Variants in GPHN observed in about 807,000 individuals in gnomAD.
The protein encoded by GPHN is gephyrin.
In GPHN, 17 loss-of-function variants were observed where a neutral mutation model predicts 95.5. That is an observed-to-expected ratio of 0.18 (90% CI 0.12 to 0.27). The LOEUF (loss-of-function observed/expected upper bound fraction) is 0.27, where lower values mean the gene tolerates loss of function less well. Among genes scored for constraint, GPHN ranks in the 10% least tolerant of loss-of-function variants. GPHN has a pLI of 1.00. For missense variants in GPHN, 660 were observed against 978.1 expected, an observed-to-expected ratio of 0.67 and a Z score of 4.34; for synonymous variants, 320 against 322.5, an observed-to-expected ratio of 0.99 and a Z score of 0.08.
the GPHN span, among the ~76,000 whole-genome samples, chr14:67,269,005 G>A: frequency 6.6e-6 from 1 of 152,128 alleles, no homozygotes; most frequent in Non-Finnish European, 1.5e-5. Context: ...AGAGAAACCT[G>A]CATGCCTTGG....
At chr14:67,542,327 C>T in the GPHN span, among the ~76,000 whole-genome samples, 2 of 152,078 alleles carry the variant, frequency 1.3e-5, no homozygotes, top group Non-Finnish European at 2.9e-5. Context: ...GACGGTGTTT[C>T]GGGAGAAAAC....
the GPHN span, among the ~76,000 whole-genome samples, chr14:67,324,941 G>T: frequency 9.1e-6 from 1 of 109,440 alleles, no homozygotes. Context: ...GTCTTGCTCT[G>T]TCACCCAGGC....
chr14:67,221,380 T>C, the GPHN span, among the ~76,000 whole-genome samples: 1 of 152,212 alleles, frequency 6.6e-6, no homozygotes, highest in South Asian at 2.1e-4. Context: ...TGAAACCCTA[T>C]ATTCCCAACA....
the GPHN span, chr14:67,473,229 C>T: frequency 1.4e-6 from 1 of 720,240 alleles, no homozygotes; most frequent in African/African-American, 1.8e-5. The surrounding 1 kb of genome is among the most constrained non-coding windows in gnomAD (Gnocchi z 6.5). Context: ...CCTCCACACC[C>T]CATCCCCCAA....
At chr14:67,370,527 C>CT in the GPHN span, among the ~76,000 whole-genome samples, 17 of 152,034 alleles carry the variant, frequency 1.1e-4, no homozygotes, top group Non-Finnish European at 2.2e-4. Flanking sequence ...GAGAATGGGG[C>CT]TATCACTGCA....
At chr14:66,890,738 A>T (rs1276790753) in intron 5 of GPHN, among the ~76,000 whole-genome samples, 1 of 152,144 alleles carries the variant, frequency 6.6e-6, no homozygotes, top group Non-Finnish European at 1.5e-5. Flanking sequence ...GTGACCCTAG[A>T]ATACAAGGAT....
chr14:66,776,365 G>A, intron 2 of GPHN, 99 bp from the exon 3 acceptor site: 1 of 799,234 alleles, frequency 1.3e-6, no homozygotes, highest in South Asian at 1.4e-5. Flanking sequence ...GGTGAATACT[G>A]GGAGTTATTG....
intron 1 of GPHN, among the ~76,000 whole-genome samples, chr14:66,670,827 T>G (rs1195536492): frequency 6.6e-6 from 1 of 152,104 alleles, no homozygotes; most frequent in Admixed American, 6.5e-5. Flanking sequence ...AGGCCATATG[T>G]TAAATATTTT....
chr14:66,536,026 A>G (rs1327882064), intron 1 of GPHN, among the ~76,000 whole-genome samples: 2 of 152,176 alleles, frequency 1.3e-5, no homozygotes, highest in Non-Finnish European at 2.9e-5. Flanking sequence ...AAAATGTTCA[A>G]TATTTACCAA....
At chr14:67,727,618 G>T in the GPHN span, 1 of 225,998 alleles carries the variant, frequency 4.4e-6, no homozygotes, top group Non-Finnish European at 8.9e-6. Context: ...GAGTAGTTGG[G>T]ATTACAAGCA....
intron 2 of GPHN, among the ~76,000 whole-genome samples, chr14:66,743,760 C>A (rs113183497): frequency 1.6e-3 from 248 of 152,064 alleles, no homozygotes; most frequent in African/African-American, 3.9e-3. Flanking sequence ...ACAACAACAA[C>A]AAAAAAACTC....
At position 66,680,896 on chromosome 14, in the gene GPHN, G is replaced by A. The variant is rs184151992; in HGVS notation, c.65-211G>A. 3.9e-4 allele frequency among the ~76,000 whole-genome samples: 59 copies of A among 152,002 alleles called. 1 individual carries two copies. The highest frequency in any genetic ancestry group is 1.4e-3 in the African/African-American group (59 of 41,462). Reference sequence around the variant, plus strand: ...TTTATATAGAGTTGGTGTGCTTAAAGTAGTGGATTGTTATTGAAATGTTGG... The same window carrying A: ...TTTATATAGAGTTGGTGTGCTTAAAATAGTGGATTGTTATTGAAATGTTGG... On this transcript the variant is annotated intron_variant, in intron 1 of 22. Coordinates refer to ENST00000478722, the MANE Select transcript of GPHN (RefSeq NM_020806.5).
At position 66,802,645 on chromosome 14, in the gene GPHN, C is replaced by T. The variant is rs925165275; in HGVS notation, c.202-21829C>T. Among the ~76,000 whole-genome samples, 3 of 152,174 alleles carry T rather than the reference C, an allele frequency of 2.0e-5. No individual in the cohort carries two copies. The South Asian group carries it at 6.2e-4, about 31-fold the overall frequency. On this transcript the variant is annotated intron_variant, in intron 3 of 22. Coordinates refer to ENST00000478722, the MANE Select transcript of GPHN (RefSeq NM_020806.5). ...GGGTATCACTGCTCATTATTCAGTG[C>T]CCAAGGGCTCTTTAGTTTGCAGTTG...
chr14:67,383,290 T>C, the GPHN span: 4 of 1,610,012 alleles, frequency 2.5e-6, no homozygotes, highest in Non-Finnish European at 2.5e-6. Context: ...TACTTCAGTT[T>C]GAAATTATAC....
At chr14:66,756,660 G>A (rs1188625711) in intron 2 of GPHN, among the ~76,000 whole-genome samples, 2 of 152,084 alleles carry the variant, frequency 1.3e-5, no homozygotes, top group African/African-American at 2.4e-5. Flanking sequence ...TCTTTTGGAT[G>A]GCAACATTAA....
chr14:66,532,076 G>C (rs577747722), intron 1 of GPHN, among the ~76,000 whole-genome samples: 2 of 152,328 alleles, frequency 1.3e-5, no homozygotes, highest in Non-Finnish European at 2.9e-5. Flanking sequence ...TACTCAAGAC[G>C]TAGCCTGTTG....
chr14:67,096,317 G>A (rs73276947), intron 12 of GPHN, among the ~76,000 whole-genome samples: 5,339 of 152,084 alleles, frequency 0.035, 314 homozygotes, highest in African/African-American at 0.12. Flanking sequence ...TTTCACATAT[G>A]GACCTCCCTG....
chr14:66,807,259 G>A (rs932117249), intron 3 of GPHN, among the ~76,000 whole-genome samples: 1 of 152,146 alleles, frequency 6.6e-6, no homozygotes. Flanking sequence ...CCTCCCACCA[G>A]GTCCCTCCCA....
At chr14:67,204,394 G>A in the GPHN span, 17 of 1,165,694 alleles carry the variant, frequency 1.5e-5, no homozygotes, top group Admixed American at 6.6e-5. Flanking sequence ...AGCCATGATC[G>A]CATCACCACT....
Sources: allele counts gnomAD v4.1 joint callset (sites outside exome capture counted in the v4.1 genomes callset), GRCh38; gene constraint gnomAD v4.1.1; non-coding constraint Gnocchi (gnomAD v3.1); transcripts MANE v1.5; gene names NCBI Gene and HGNC (gene_info 2026-07-23, HGNC 2026-07-21).